The following GRM5 variants were observed in gnomAD, a reference collection of about 807,000 sequenced individuals.
GRM5 encodes metabotropic glutamate receptor 5.
GRM5 carries 19 observed loss-of-function variants against 83.1 expected under a neutral mutation model. The observed-to-expected ratio is 0.23, with a 90% CI of 0.16 to 0.34. GRM5 has a LOEUF of 0.34. Among genes scored for constraint, GRM5 ranks in the 10% least tolerant of loss-of-function variants. The pLI, the probability that GRM5 is intolerant of heterozygous loss-of-function variation, is 1.00. For synonymous variants in GRM5, 675 were observed against 633.6 expected, an observed-to-expected ratio of 1.07 and a Z score of -0.98; for missense variants, 1,160 against 1,588.3, an observed-to-expected ratio of 0.73 and a Z score of 4.58.
chr11:88,912,628 T>C (rs1369552964), intron 2 of GRM5, among the ~76,000 whole-genome samples: 2 of 152,204 alleles, frequency 1.3e-5, no homozygotes, highest in Non-Finnish European at 2.9e-5. Flanking sequence ...GTCAGATTTC[T>C]CCATCTTCAG....
chr11:88,983,439 T>C (rs533444132), intron 2 of GRM5, among the ~76,000 whole-genome samples: 128 of 152,346 alleles, frequency 8.4e-4, no homozygotes, highest in Non-Finnish European at 1.2e-3. Context: ...AAGATTATAA[T>C]GAAGCCGAAA....
At chr11:88,785,668 C>T (rs1231713145) in intron 3 of GRM5, among the ~76,000 whole-genome samples, 2 of 152,046 alleles carry the variant, frequency 1.3e-5, no homozygotes, top group African/African-American at 4.8e-5. Flanking sequence ...TTAGTCATTT[C>T]TACTACAGGT....
intron 3 of GRM5, among the ~76,000 whole-genome samples, chr11:88,740,696 G>A (rs1041310770): frequency 7.9e-5 from 12 of 152,110 alleles, no homozygotes; most frequent in South Asian, 2.1e-4. Context: ...ATAAGGCTTC[G>A]TGAGACTCAG....
intron 9 of GRM5, among the ~76,000 whole-genome samples, chr11:88,523,519 C>T (rs1941761885): frequency 6.6e-6 from 1 of 152,130 alleles, no homozygotes; most frequent in African/African-American, 2.4e-5. Flanking sequence ...GTCACTTCCA[C>T]AAAATGATCC....
chr11:88,926,977 C>T (rs1416490227), intron 2 of GRM5, among the ~76,000 whole-genome samples: 2 of 152,146 alleles, frequency 1.3e-5, no homozygotes, highest in Non-Finnish European at 2.9e-5. Context: ...CAACTATTTA[C>T]ATGTTTGAAC....
intron 2 of GRM5, among the ~76,000 whole-genome samples, chr11:88,994,672 C>T (rs1446880738): frequency 4.8e-5 from 7 of 145,730 alleles, no homozygotes; most frequent in Non-Finnish European, 1.0e-4. Context: ...TTGGATTTAA[C>T]TCAGATTAAG....
chr11:88,908,485 G>A (rs1945440252), intron 2 of GRM5, among the ~76,000 whole-genome samples: 1 of 151,984 alleles, frequency 6.6e-6, no homozygotes, highest in South Asian at 2.1e-4. Context: ...ATAGCCCCCA[G>A]AATATATCTT....
rs574747716 is a variant in GRM5, at chr11:89,004,462, C to T, written c.661+42750G>A. Among the ~76,000 whole-genome samples the T allele has an allele frequency of 2.0e-5, 3 of 152,226 alleles. No homozygotes were observed. The East Asian group carries it at 5.8e-4, about 29-fold the overall frequency. On this transcript the variant is annotated intron_variant, in intron 2 of 9. Coordinates refer to ENST00000305447, the MANE Select transcript of GRM5 (RefSeq NM_001143831.3). ...TCTTATACTTGGATCAAAGAGCTTT[C>T]CTTCTTTAAAATACTTTCTTACTAA...
At chr11:88,966,353 A>G (rs1440535634) in intron 2 of GRM5, among the ~76,000 whole-genome samples, 1 of 152,122 alleles carries the variant, frequency 6.6e-6, no homozygotes, top group Non-Finnish European at 1.5e-5. Context: ...AAGCAAGCAA[A>G]TCGAAAAACT....
intron 2 of GRM5, among the ~76,000 whole-genome samples, chr11:88,867,727 AT>A (rs1944696715): frequency 6.6e-6 from 1 of 151,684 alleles, no homozygotes; most frequent in Admixed American, 6.6e-5. Context: ...TCGTGTGAAG[AT>A]GCAAGGAGAA....
intron 3 of GRM5, among the ~76,000 whole-genome samples, chr11:88,839,803 A>C (rs541672822): frequency 2.8e-4 from 42 of 152,312 alleles, no homozygotes; most frequent in Non-Finnish European, 5.4e-4. Flanking sequence ...TGTTGACCCA[A>C]ATCCTTACAA....
chr11:88,678,209 C>T (rs1263501179), intron 3 of GRM5, among the ~76,000 whole-genome samples: 21 of 152,066 alleles, frequency 1.4e-4, no homozygotes, highest in Non-Finnish European at 2.9e-5. Context: ...CAGAGGTGTG[C>T]CACCATGTTC....
At chr11:88,730,615 A>G (rs1408183962) in intron 3 of GRM5, among the ~76,000 whole-genome samples, 2 of 152,186 alleles carry the variant, frequency 1.3e-5, no homozygotes, top group African/African-American at 4.8e-5. Flanking sequence ...CTTGGAACCA[A>G]CCGAAATGTT....
At chr11:88,723,805 A>G (rs538389975) in intron 3 of GRM5, among the ~76,000 whole-genome samples, 1 of 152,228 alleles carries the variant, frequency 6.6e-6, no homozygotes, top group East Asian at 1.9e-4. Context: ...CTCTTGTAGC[A>G]TCACTTCAGG....
rs1191554263 is a variant in GRM5 at position 88,509,143 on chromosome 11, C to T, written c.3088G>A (p.Gly1030Ser). ...TCGTCGTCCGTGCGGCTGGCCGAGC[C>T]CGCGCGGTGGCTCAGCGTGCTGATG... ...SPISTLSHRAGSASRTDDDVP... is the reference protein window; with the variant it reads ...SPISTLSHRASSASRTDDDVP... Residue 1030 changes from glycine to serine, a missense_variant, in exon 10 of 10, where the codon GGC becomes AGC. By Grantham distance (56) the Gly-to-Ser change is moderately conservative. Around this residue, in one of 9 missense-constraint regions of GRM5, gnomAD observed 562 missense variants for 532.4 expected, o/e 1.06. Transcript: ENST00000305447. 6 of 1,540,370 alleles carry T rather than the reference C, an allele frequency of 3.9e-6. No individual in the cohort carries two copies. Among genetic ancestry groups the T allele is most frequent in the African/African-American group, 1.4e-5 (1 of 72,106 alleles).
intron 3 of GRM5, among the ~76,000 whole-genome samples, chr11:88,742,357 G>T (rs957556597): frequency 1.3e-5 from 2 of 151,922 alleles, no homozygotes; most frequent in African/African-American, 4.8e-5. Context: ...AAATAAGCAG[G>T]AATAATATTA....
At chr11:88,556,022 G>T (rs34617165) in intron 8 of GRM5, among the ~76,000 whole-genome samples, 2,506 of 152,228 alleles carry the variant, frequency 0.016, 33 homozygotes, top group East Asian at 0.043. Flanking sequence ...AAACCCTGAG[G>T]AAAGTTTGAC....
intron 4 of GRM5, among the ~76,000 whole-genome samples, chr11:88,607,081 C>T (rs563487182): frequency 1.8e-4 from 28 of 152,058 alleles, no homozygotes; most frequent in African/African-American, 6.5e-4. Context: ...TTAATTTCCC[C>T]AGTAGAGAGT....
intron 3 of GRM5, among the ~76,000 whole-genome samples, chr11:88,824,679 C>T (rs1590887497): frequency 1.3e-5 from 2 of 152,050 alleles, no homozygotes; most frequent in Admixed American, 1.3e-4. Flanking sequence ...TGACAGGAGT[C>T]ACAGTTCAAG....
Sources: gnomAD v4.1 joint callset for allele counts (sites outside exome capture counted in the v4.1 genomes callset) on GRCh38, gnomAD v4.1.1 for gene constraint, gnomAD v4.1.1 regional missense constraint, MANE v1.5 for transcripts, NCBI Gene and HGNC (gene_info 2026-07-23, HGNC 2026-07-21) for gene names.